Variants in GALR1 observed in about 807,000 individuals in gnomAD.
GALR1 encodes the protein galanin receptor type 1.
A neutral mutation model predicts 17.9 loss-of-function variants in GALR1; 11 were observed. The ratio of observed to expected loss-of-function variants is 0.62; its 90% CI spans 0.39 to 1.02. GALR1 has a LOEUF of 1.02. Among genes scored for constraint, GALR1 ranks in the 50% least tolerant of loss-of-function variants. GALR1 has a pLI of 0.01. For synonymous variants in GALR1, 206 were observed against 205.7 expected (o/e 1.00, Z -0.01); for missense variants, 441 against 456.9 (o/e 0.97, Z 0.32).
chr18:77,251,281 T>C, intron 1 of GALR1, 67 bp downstream of exon 1: 1 of 1,530,588 alleles, frequency 6.5e-7, no homozygotes, highest in Admixed American at 2.0e-5. Context: ...CCCTGGGGTC[T>C]CAGTGTCCCG....
Position 77,250,654 on chromosome 18 carries a change from A to T in GALR1, c.106A>T (p.Thr36Ser), listed in dbSNP as rs773113027. The T allele has an allele frequency of 3.7e-6, 6 of 1,608,266 alleles. No individual in the cohort carries two copies. In the Admixed American group the frequency reaches 5.0e-5, roughly 14 times the overall value. Residue 36 changes from threonine to serine, a missense_variant, in exon 1 of 3, where the codon ACG becomes TCG. Transcript: ENST00000299727. ...CGGCATCGGCGTGGAGAACTTCGTC[A>T]CGCTGGTGGTGTTCGGCCTGATCTT... The part of the protein sequence containing the change: ...LFGIGVENFV[T>S]LVVFGLIFAL...
At chr18:77,251,763 C>G (rs1435566695) in intron 1 of GALR1, among the ~76,000 whole-genome samples, 2 of 152,180 alleles carry the variant, frequency 1.3e-5, no homozygotes, top group African/African-American at 4.8e-5. Context: ...GGGGGGGACT[C>G]GCGGGGCGGC....
rs34843208 is a variant in GALR1, at chr18:77,251,809, C to G, written c.666+595C>G. 4.9e-3 allele frequency among the ~76,000 whole-genome samples: 750 copies of G among 152,336 alleles called. 1 individual carries two copies. The highest frequency in any genetic ancestry group is 9.0e-3 in the Non-Finnish European group (611 of 68,028). ...CGGGGTGCGCAGTTTGCCCTCGCTCCGAAGGCTTTGCGCACACCGGGCTCT... is the reference window on the plus strand; with the variant it reads ...CGGGGTGCGCAGTTTGCCCTCGCTCGGAAGGCTTTGCGCACACCGGGCTCT... On this transcript the variant is annotated intron_variant, in intron 1 of 2. Coordinates refer to ENST00000299727, the MANE Select transcript of GALR1 (RefSeq NM_001480.4).
intron 2 of GALR1, among the ~76,000 whole-genome samples, chr18:77,262,622 C>G (rs557939147): frequency 1.3e-5 from 2 of 152,152 alleles, no homozygotes; most frequent in African/African-American, 4.8e-5. Context: ...AACCAGGAGG[C>G]CTTCAACTTC....
chr18:77,257,248 T>C (rs562454164), intron 2 of GALR1, among the ~76,000 whole-genome samples: 1 of 152,290 alleles, frequency 6.6e-6, no homozygotes, highest in Non-Finnish European at 1.5e-5. Flanking sequence ...GGTAGAGAAT[T>C]GGTTATAGAG....
rs986177459 is a variant in GALR1 at position 77,277,654 on chromosome 18, G to A, written c.*8752G>A. On this transcript the variant is annotated 3_prime_UTR_variant, in exon 3 of 3. Transcript: ENST00000299727. ...CAGTGCTGAATGTGGATCTTCTTAT[G>A]CCAGATACTGTTATAATTATTCTCT... 6.6e-6 allele frequency: 1 copy of A among 152,166 alleles called. No individual in the cohort carries two copies. Among genetic ancestry groups the A allele is most frequent in the Non-Finnish European group, 1.5e-5 (1 of 68,024 alleles). The allele number at this position is 152,166 out of a possible 1,614,324, so 9.4% of individuals were successfully genotyped here.
rs901724481 is a variant in GALR1, at chr18:77,277,291, C to A, written c.*8389C>A. 2 of 152,138 alleles carry A rather than the reference C, an allele frequency of 1.3e-5. No individual in the cohort carries two copies. Among genetic ancestry groups the A allele is most frequent in the African/African-American group, 4.8e-5 (2 of 41,426 alleles). 9.4% of individuals were successfully genotyped at this position (152,138 alleles called of 1,614,324 possible). ...AAATCTCACCTTGAATTGTAATAAT[C>A]CTCACGTGTCAAGGACCAGCAGGTG... On this transcript the variant is annotated 3_prime_UTR_variant, in exon 3 of 3. Transcript: ENST00000299727.
rs1038868802 is a variant in GALR1, at chr18:77,272,310, C to T, written c.*3408C>T. Reference sequence around the variant, plus strand: ...TCCCAGATGCTTTGAGGCAGTGCAGCGATCATTCTAATATGTTAACTGAGA... The same window carrying T: ...TCCCAGATGCTTTGAGGCAGTGCAGTGATCATTCTAATATGTTAACTGAGA... On this transcript the variant is annotated 3_prime_UTR_variant, in exon 3 of 3. Coordinates refer to ENST00000299727, the MANE Select transcript of GALR1 (RefSeq NM_001480.4). 1.3e-5 allele frequency: 2 copies of T among 152,312 alleles called. No homozygotes were observed. Among genetic ancestry groups the T allele is most frequent in the South Asian group, 4.1e-4 (2 of 4,830 alleles). The allele number at this position is 152,312 out of a possible 1,614,324, so 9.4% of individuals were successfully genotyped here. A position where few individuals can be genotyped will look rare whatever the true frequency, so the allele number is the denominator to read the frequency against.
intron 2 of GALR1, among the ~76,000 whole-genome samples, chr18:77,258,851 GTGATGGTGGTGGTGATGGTGGTGA>G (rs1355747866): frequency 3.6e-3 from 462 of 127,768 alleles, no homozygotes; most frequent in African/African-American, 0.014. Context: ...GATGGTGGTG[GTGATGGTGGTGGTGATGGTGGTGA>G]TGATGGTGGT....
intron 1 of GALR1, among the ~76,000 whole-genome samples, chr18:77,254,181 C>G (rs7236753): frequency 0.016 from 2,457 of 152,256 alleles, 78 homozygotes; most frequent in African/African-American, 0.055. Context: ...TACAGACTCA[C>G]CAAGAGACCC....
chr18:77,261,579 TAAAATCACGC>T (rs1912831335), intron 2 of GALR1, among the ~76,000 whole-genome samples: 1 of 152,232 alleles, frequency 6.6e-6, no homozygotes, highest in Admixed American at 6.5e-5. Flanking sequence ...TTTGGAAGTC[TAAAATCACGC>T]TCCTGCAGAT....
At position 77,273,144 on chromosome 18, in the gene GALR1, G is replaced by A. The variant is rs1913092912; in HGVS notation, c.*4242G>A. ...CTGGGGTTCTGAGGGTAGCATGTCT[G>A]TTTGACTGGGCAAGACCCTCACATA... is the stretch of plus-strand genomic sequence containing the variant. On this transcript the variant is annotated 3_prime_UTR_variant, in exon 3 of 3. Transcript: ENST00000299727. 6.6e-6 allele frequency: 1 copy of A among 152,060 alleles called. No homozygotes were observed. The highest frequency in any genetic ancestry group is 2.4e-5 in the African/African-American group (1 of 41,374). The allele number at this position is 152,060 out of a possible 1,614,324, so 9.4% of individuals were successfully genotyped here. A position where few individuals can be genotyped will look rare whatever the true frequency, so the allele number is the denominator to read the frequency against.
At chr18:77,252,884 C>CCACCACCACCACCACCAT (rs1912462723) in intron 1 of GALR1, among the ~76,000 whole-genome samples, 2 of 82,252 alleles carry the variant, frequency 2.4e-5, no homozygotes, top group African/African-American at 8.6e-5. Flanking sequence ...ACCACCATCA[C>CCACCACCACCACCACCAT]CACCACCACC....
chr18:77,258,230 A>C (rs576983139), intron 2 of GALR1, among the ~76,000 whole-genome samples: 1 of 152,340 alleles, frequency 6.6e-6, no homozygotes, highest in South Asian at 2.1e-4. Context: ...TATATAATAC[A>C]TATGTGCTTA....
chr18:77,268,161 A>G (rs1912982319), intron 2 of GALR1, among the ~76,000 whole-genome samples: 1 of 152,206 alleles, frequency 6.6e-6, no homozygotes, highest in Non-Finnish European at 1.5e-5. Flanking sequence ...AGAAGTGACT[A>G]TTTGGAGCAA....
intron 2 of GALR1, among the ~76,000 whole-genome samples, chr18:77,257,603 A>T (rs545324127): frequency 6.6e-6 from 1 of 152,310 alleles, no homozygotes; most frequent in African/African-American, 2.4e-5. Flanking sequence ...TTTTCCTCTG[A>T]GTCACACTTC....
rs1568139250 is a variant in GALR1, at chr18:77,252,998, C to CCAT, written c.666+1786_666+1787insTCA. Reference sequence around the variant, plus strand: ...ACCACCATCACCACCATCACCACCACCACCACCACCACCACCACCACCACC... The same window carrying CCAT: ...ACCACCATCACCACCATCACCACCACCATCACCACCACCACCACCACCACCACC... On this transcript the variant is annotated intron_variant, in intron 1 of 2. Transcript: ENST00000299727. Among the ~76,000 whole-genome samples the CCAT allele has an allele frequency of 1.1e-3, 59 of 55,994 alleles. 2 individuals carry two copies. Among genetic ancestry groups the CCAT allele is most frequent in the Admixed American group, 3.7e-3 (18 of 4,824 alleles). The allele number at this position is 55,994 out of a possible 152,430, so 36.7% of individuals were successfully genotyped here. A position where few individuals can be genotyped will look rare whatever the true frequency, so the allele number is the denominator to read the frequency against.
chr18:77,258,557 G>A (rs1912650158), intron 2 of GALR1, among the ~76,000 whole-genome samples: 1 of 143,028 alleles, frequency 7.0e-6, no homozygotes, highest in African/African-American at 2.7e-5. Flanking sequence ...TGATGGTGGT[G>A]GTCATAGTGG....
chr18:77,268,597 G>A lies in GALR1; in HGVS notation c.745G>A (p.Val249Ile), dbSNP rs142216832. 1.1e-3 allele frequency: 1,821 copies of A among 1,613,634 alleles called. 19 individuals carry two copies. The African/African-American group carries it at 0.021, about 18-fold the overall frequency. ...EASKKKTAQTVLVVVVVFGIS... is the reference protein window; with the variant it reads ...EASKKKTAQTILVVVVVFGIS... ...TCTTCTTTTCTAGACTGCACAGACAGTTCTGGTGGTGGTTGTGGTGTTTGG... is the reference window on the plus strand; with the variant it reads ...TCTTCTTTTCTAGACTGCACAGACAATTCTGGTGGTGGTTGTGGTGTTTGG... Residue 249 changes from valine to isoleucine, a missense_variant, in exon 3 of 3, where the codon GTT becomes ATT. By Grantham distance (29) the Val-to-Ile change is conservative. Coordinates refer to ENST00000299727, the MANE Select transcript of GALR1 (RefSeq NM_001480.4).
Sources: allele counts gnomAD v4.1 joint callset (sites outside exome capture counted in the v4.1 genomes callset), GRCh38; gene constraint gnomAD v4.1.1; transcripts MANE v1.5; gene names NCBI Gene and HGNC (gene_info 2026-07-23, HGNC 2026-07-21).